RBFOX3: variants seen among roughly 807,000 people sequenced by gnomAD.
RBFOX3 encodes the protein RNA binding fox-1 homolog 3.
A neutral mutation model predicts 48.7 loss-of-function variants in RBFOX3; 17 were observed. The ratio of observed to expected loss-of-function variants is 0.35; its 90% CI spans 0.24 to 0.52. The LOEUF (loss-of-function observed/expected upper bound fraction) is 0.52. Among genes scored for constraint, RBFOX3 ranks in the 20% least tolerant of loss-of-function variants. RBFOX3 has a pLI of 0.94. For missense variants in RBFOX3, 382 were observed against 497.5 expected, an observed-to-expected ratio of 0.77 and a Z score of 2.21; for synonymous variants, 212 against 209.5, an observed-to-expected ratio of 1.01 and a Z score of -0.10.
intron 2 of RBFOX3, among the ~76,000 whole-genome samples, chr17:79,414,237 G>A (rs1483877236): frequency 6.6e-6 from 1 of 152,012 alleles, no homozygotes; most frequent in East Asian, 1.9e-4. Context: ...TTGCCTTGCT[G>A]AAGAACAAGG....
chr17:79,167,072 C>T (rs1012974578), intron 4 of RBFOX3, among the ~76,000 whole-genome samples: 2 of 152,206 alleles, frequency 1.3e-5, no homozygotes, highest in African/African-American at 2.4e-5. Flanking sequence ...GTCACCCCCA[C>T]GACAGACGCG....
intron 2 of RBFOX3, among the ~76,000 whole-genome samples, chr17:79,456,527 G>A (rs869441): frequency 6.6e-6 from 1 of 151,830 alleles, no homozygotes; most frequent in Non-Finnish European, 1.5e-5. Context: ...CAGGCTTTGC[G>A]CTGGGTTCCC....
chr17:79,550,672 G>A (rs1166316829), intron 1 of RBFOX3, among the ~76,000 whole-genome samples: 1 of 152,136 alleles, frequency 6.6e-6, no homozygotes, highest in Non-Finnish European at 1.5e-5. Flanking sequence ...TTAAAAGACG[G>A]ATGGATAGGT....
the RBFOX3 span, among the ~76,000 whole-genome samples, chr17:79,629,333 T>G: frequency 6.6e-6 from 1 of 152,168 alleles, no homozygotes; most frequent in Non-Finnish European, 1.5e-5. Context: ...CACCTCAGCA[T>G]GCAGGGACTT....
the RBFOX3 span, among the ~76,000 whole-genome samples, chr17:79,620,428 C>T: frequency 6.3e-4 from 95 of 150,786 alleles, 1 homozygote; most frequent in African/African-American, 2.2e-3. Flanking sequence ...CACACACGCA[C>T]GTGCACACAT....
At chr17:79,278,636 G>A (rs1015849745) in intron 3 of RBFOX3, among the ~76,000 whole-genome samples, 3 of 152,242 alleles carry the variant, frequency 2.0e-5, no homozygotes, top group Non-Finnish European at 4.4e-5. Context: ...GATCTGCCCT[G>A]CCAGCGGCAG....
At chr17:79,656,792 AAGAAAGAAAGAAAGAAAAGAAAGAG>A in the RBFOX3 span, among the ~76,000 whole-genome samples, 3 of 1,640 alleles carry the variant, frequency 1.8e-3, no homozygotes, top group Non-Finnish European at 5.1e-3. Flanking sequence ...GAAAGAAAGA[AAGAAAGAAAGAAAGAAAAGAAAGAG>A]AAAGAAAGAA....
intron 2 of RBFOX3, among the ~76,000 whole-genome samples, chr17:79,381,831 G>A (rs1434903004): frequency 2.0e-5 from 3 of 152,126 alleles, no homozygotes; most frequent in Non-Finnish European, 2.9e-5. Context: ...CCCTGGACTT[G>A]AGAGCCCCAG....
At chr17:79,525,279 G>A (rs2150030693) in intron 1 of RBFOX3, among the ~76,000 whole-genome samples, 1 of 152,190 alleles carries the variant, frequency 6.6e-6, no homozygotes, top group South Asian at 2.1e-4. Flanking sequence ...ATTGCCAAAT[G>A]TCCCCCCGGG....
At chr17:79,639,201 G>T in the RBFOX3 span, among the ~76,000 whole-genome samples, 1 of 151,534 alleles carries the variant, frequency 6.6e-6, no homozygotes, top group South Asian at 2.1e-4. Flanking sequence ...TTGAGACAGA[G>T]TCTCACTCTG....
chr17:79,170,854 C>T (rs1260378431), intron 4 of RBFOX3, among the ~76,000 whole-genome samples: 1 of 152,224 alleles, frequency 6.6e-6, no homozygotes, highest in Non-Finnish European at 1.5e-5. Context: ...CACTCCCTCG[C>T]ACCCCGGGTA....
At chr17:79,106,871 A>C in intron 5 of RBFOX3, 83 bp from the exon 6 acceptor site, 1 of 1,348,146 alleles carries the variant, frequency 7.4e-7, no homozygotes, top group Non-Finnish European at 9.4e-7. Context: ...GGCAGAGTCT[A>C]AAGGCCAGAT....
intron 4 of RBFOX3, among the ~76,000 whole-genome samples, chr17:79,197,733 G>A (rs754201639): frequency 1.3e-5 from 2 of 152,204 alleles, no homozygotes; most frequent in African/African-American, 2.4e-5. Flanking sequence ...CATCGTCCAC[G>A]CAGCCAGGGC....
the RBFOX3 span, among the ~76,000 whole-genome samples, chr17:79,652,952 T>C: frequency 6.6e-6 from 1 of 151,642 alleles, no homozygotes; most frequent in Non-Finnish European, 1.5e-5. Context: ...GAGAAGAAAA[T>C]GGGGCCATAT....
At chr17:79,109,850 G>A (rs938633929) in intron 5 of RBFOX3, among the ~76,000 whole-genome samples, 4 of 152,224 alleles carry the variant, frequency 2.6e-5, no homozygotes, top group Admixed American at 1.3e-4. Context: ...GAGCAGCCGA[G>A]GATGAGGCGG....
At position 79,289,952 on chromosome 17, in the gene RBFOX3, A is replaced by C. The variant is rs141424534; in HGVS notation, c.-74+17772T>G. On this transcript the variant is annotated intron_variant, in intron 3 of 14. Transcript: ENST00000693108. ...CCAACCCTACCCCTAAAATGGATGA[A>C]AGGGAAACAGGCCCTTGCCTCCAAA... 8.5e-5 allele frequency among the ~76,000 whole-genome samples: 13 copies of C among 152,326 alleles called. No individual in the cohort carries two copies. The East Asian group carries it at 2.5e-3, about 29-fold the overall frequency.
At chr17:79,445,276 T>C (rs1309610084) in intron 2 of RBFOX3, among the ~76,000 whole-genome samples, 1 of 152,158 alleles carries the variant, frequency 6.6e-6, no homozygotes, top group Non-Finnish European at 1.5e-5. Flanking sequence ...GAGCACATTT[T>C]CTTGTAAGGG....
chr17:79,120,943 T>G (rs1206968464), intron 4 of RBFOX3, among the ~76,000 whole-genome samples: 1 of 152,102 alleles, frequency 6.6e-6, no homozygotes, highest in Non-Finnish European at 1.5e-5. Flanking sequence ...TCACCCTGAA[T>G]GATTCATTCA....
rs1286233387 is a variant in RBFOX3, at chr17:79,608,535, G to A, written c.-320+2291C>T. 8.5e-5 allele frequency among the ~76,000 whole-genome samples: 13 copies of A among 152,320 alleles called. 1 individual carries two copies. The highest frequency in any genetic ancestry group is 3.1e-4 in the African/African-American group (13 of 41,564). On this transcript the variant is annotated intron_variant, in intron 1 of 14. Coordinates refer to ENST00000693108, the MANE Select transcript of RBFOX3 (RefSeq NM_001350451.2). ...CAACTCACCCCAGAAAACCCCGGCCGTGCAAGCGCAAACAGCCCAGCACCA... is the reference window on the plus strand; with the variant it reads ...CAACTCACCCCAGAAAACCCCGGCCATGCAAGCGCAAACAGCCCAGCACCA...
Sources: allele counts gnomAD v4.1 joint callset (sites outside exome capture counted in the v4.1 genomes callset), GRCh38; gene constraint gnomAD v4.1.1; transcripts MANE v1.5; gene names NCBI Gene and HGNC (gene_info 2026-07-23, HGNC 2026-07-21).